The following NUP93 variants were observed in gnomAD, a reference collection of about 807,000 sequenced individuals.
NUP93 encodes nuclear pore complex protein Nup93.
A neutral mutation model predicts 107.8 loss-of-function variants in NUP93; 55 were observed. The ratio of observed to expected loss-of-function variants is 0.51; its 90% CI spans 0.41 to 0.64. NUP93 has a LOEUF of 0.64. NUP93 is among the 30% of genes least tolerant of loss of function. The probability of loss-of-function intolerance (pLI) is 0.00; values close to 1 mark genes in which losing one functional copy is unlikely to be tolerated. For synonymous variants in NUP93, 390 were observed against 397.5 expected (o/e 0.98, Z 0.22); for missense variants, 937 against 1,044.7 (o/e 0.90, Z 1.42).
chr16:56,832,302 A>T lies in NUP93; in HGVS notation c.1259A>T (p.Gln420Leu). The change falls in exon 12 of 22, where the codon CAA (glutamine) becomes CTA (leucine). Residue 420 changes from glutamine to leucine, a missense_variant. Gln to Leu is a moderately radical substitution (Grantham distance 113, BLOSUM62 -2). Transcript: ENST00000308159. Reference protein sequence around the residue: ...TEDYLWLKLNQVCFDDDGTSS... With the variant: ...TEDYLWLKLNLVCFDDDGTSS... ...TTTCTCTTGGGGATTTAGTTGAACC[A>T]AGTGTGTTTTGACGACGATGGCACC... is the stretch of plus-strand genomic sequence containing the variant. The T allele has an allele frequency of 6.2e-7, 1 of 1,613,934 alleles. No individual in the cohort carries two copies. The highest frequency in any genetic ancestry group is 8.5e-7 in the Non-Finnish European group (1 of 1,179,808).
At chr16:56,768,842 G>A (rs560871606) in intron 3 of NUP93, among the ~76,000 whole-genome samples, 111 of 149,110 alleles carry the variant, frequency 7.4e-4, no homozygotes, top group Non-Finnish European at 1.4e-3. Flanking sequence ...ACTCCAGTCT[G>A]GGGGACAGAG....
intron 5 of NUP93, among the ~76,000 whole-genome samples, chr16:56,815,650 CTG>C (rs1438811103): frequency 6.6e-6 from 1 of 152,168 alleles, no homozygotes; most frequent in African/African-American, 2.4e-5. Flanking sequence ...ATCTTGGACA[CTG>C]TGTTGAAGTC....
intron 3 of NUP93, among the ~76,000 whole-genome samples, chr16:56,793,015 G>A (rs1269470416): frequency 3.3e-5 from 5 of 152,190 alleles, no homozygotes; most frequent in Non-Finnish European, 5.9e-5. Flanking sequence ...CAGGGGATGG[G>A]GATAGGGGAG....
intron 9 of NUP93, among the ~76,000 whole-genome samples, chr16:56,829,378 C>G (rs912880111): frequency 6.6e-6 from 1 of 152,156 alleles, no homozygotes. Flanking sequence ...ATAGGACTTG[C>G]TGAAGAACAT....
At chr16:56,802,143 G>A (rs1963034083) in intron 4 of NUP93, among the ~76,000 whole-genome samples, 1 of 152,142 alleles carries the variant, frequency 6.6e-6, no homozygotes, top group African/African-American at 2.4e-5. Flanking sequence ...TACCCTACCT[G>A]ATCCTTATGC....
chr16:56,758,478 C>T, intron 2 of NUP93, 60 bp from the exon 3 acceptor site: 2 of 1,247,222 alleles, frequency 1.6e-6, no homozygotes, highest in South Asian at 2.4e-5. Flanking sequence ...TATTAGATGT[C>T]CTAATCCTAA....
chr16:56,783,096 C>A (rs1010611216), intron 3 of NUP93, among the ~76,000 whole-genome samples: 1 of 152,104 alleles, frequency 6.6e-6, no homozygotes, highest in Non-Finnish European at 1.5e-5. Flanking sequence ...ACATTTAATT[C>A]GGCATTAAAA....
At chr16:56,807,855 T>C (rs1458492081) in intron 5 of NUP93, among the ~76,000 whole-genome samples, 2 of 151,578 alleles carry the variant, frequency 1.3e-5, no homozygotes, top group African/African-American at 4.9e-5. Flanking sequence ...ACCTGGTCTC[T>C]ACTAAAAATA....
chr16:56,848,096 A>T lies in NUP93; in HGVS notation c.*3487A>T, dbSNP rs1208947591. On this transcript the variant is annotated 3_prime_UTR_variant, in exon 22 of 22. Coordinates refer to ENST00000308159, the MANE Select transcript of NUP93 (RefSeq NM_014669.5). The stretch of plus-strand genomic sequence containing the variant: ...TCCTGCTTTAGACTGGATCTCTACT[A>T]TCCTTTTTCTCTACTAGGCACCAGA... 1 of 152,192 alleles carries T rather than the reference A, an allele frequency of 6.6e-6. No homozygotes were observed. Among genetic ancestry groups the T allele is most frequent in the East Asian group, 1.9e-4 (1 of 5,202 alleles). 9.4% of individuals were successfully genotyped at this position (152,192 alleles called of 1,614,324 possible).
chr16:56,832,558 G>A (rs1156822315), intron 12 of NUP93, among the ~76,000 whole-genome samples, 170 bp downstream of exon 12: 2 of 152,056 alleles, frequency 1.3e-5, no homozygotes, highest in Admixed American at 1.3e-4. Flanking sequence ...TCAAATAAAG[G>A]GCATGTGGCC....
intron 3 of NUP93, among the ~76,000 whole-genome samples, chr16:56,763,999 G>A (rs555960051): frequency 9.2e-5 from 14 of 152,234 alleles, no homozygotes; most frequent in African/African-American, 3.1e-4. Flanking sequence ...TAGGGAAACT[G>A]AACTATATAT....
chr16:56,782,022 T>A, intron 3 of NUP93: 1 of 985,448 alleles, frequency 1.0e-6, no homozygotes, highest in Non-Finnish European at 1.2e-6. Flanking sequence ...GTTCTTTTCC[T>A]TTTTCTTCTT....
chr16:56,759,252 G>A (rs1213102200), intron 3 of NUP93, among the ~76,000 whole-genome samples: 2 of 152,282 alleles, frequency 1.3e-5, no homozygotes, highest in East Asian at 1.9e-4. Flanking sequence ...AAAAACTCAC[G>A]GTCTGTTTAG....
At chr16:56,798,096 C>A (rs1962939433) in intron 3 of NUP93, among the ~76,000 whole-genome samples, 1 of 152,180 alleles carries the variant, frequency 6.6e-6, no homozygotes, top group South Asian at 2.1e-4. Context: ...TTAATTTAAA[C>A]CAACAGAGAA....
intron 3 of NUP93, among the ~76,000 whole-genome samples, chr16:56,797,142 T>C (rs1488786643): frequency 2.0e-5 from 3 of 150,606 alleles, no homozygotes; most frequent in Non-Finnish European, 4.4e-5. Flanking sequence ...TGGTGGTGCA[T>C]GCTTGTAATC....
At chr16:56,736,360 C>T (rs755392914) in intron 1 of NUP93, among the ~76,000 whole-genome samples, 3 of 152,060 alleles carry the variant, frequency 2.0e-5, no homozygotes, top group South Asian at 2.1e-4. Context: ...TAATCTGTTT[C>T]GGTAATGAGA....
chr16:56,793,458 C>G (rs181360110), intron 3 of NUP93, among the ~76,000 whole-genome samples: 11 of 152,138 alleles, frequency 7.2e-5, no homozygotes, highest in African/African-American at 2.7e-4. Context: ...TCTGTACCCA[C>G]GGGGCATCTC....
chr16:56,759,230 A>G (rs1962082048), intron 3 of NUP93, among the ~76,000 whole-genome samples: 1 of 152,212 alleles, frequency 6.6e-6, no homozygotes, highest in Non-Finnish European at 1.5e-5. Context: ...ACTGACGTAA[A>G]ATTGTTAAGG....
intron 5 of NUP93, among the ~76,000 whole-genome samples, chr16:56,811,178 A>G (rs1963308283): frequency 6.6e-6 from 1 of 152,216 alleles, no homozygotes; most frequent in Non-Finnish European, 1.5e-5. Context: ...ATTAGCAGAT[A>G]CTGCCAAACT....
Sources: allele counts gnomAD v4.1 joint callset (sites outside exome capture counted in the v4.1 genomes callset), GRCh38; gene constraint gnomAD v4.1.1; transcripts MANE v1.5; gene names NCBI Gene and HGNC (gene_info 2026-07-23, HGNC 2026-07-21).